The following PLEKHG6 variants were observed in gnomAD, a reference collection of about 807,000 sequenced individuals.
PLEKHG6 encodes the protein pleckstrin homology and RhoGEF domain containing G6, also known as pleckstrin homology domain-containing family G member 6.
A neutral mutation model predicts 97.5 loss-of-function variants in PLEKHG6; 91 were observed. The ratio of observed to expected loss-of-function variants is 0.93; its 90% CI spans 0.79 to 1.11. The LOEUF is 1.11. Among genes scored for constraint, PLEKHG6 ranks in the 50% most tolerant of loss-of-function variants. PLEKHG6 has a pLI of 0.00. For missense variants in PLEKHG6, 1,044 were observed against 1,031.0 expected (o/e 1.01, Z -0.17); for synonymous variants, 466 against 425.5 (o/e 1.10, Z -1.17).
At chr12:6,325,628 G>C (rs1947835221) in intron 13 of PLEKHG6, among the ~76,000 whole-genome samples, 1 of 152,184 alleles carries the variant, frequency 6.6e-6, no homozygotes, top group Non-Finnish European at 1.5e-5. Flanking sequence ...CTGCCCTCCT[G>C]CTCCTCCCAG....
At chr12:6,311,350 G>A (rs1459471071) in intron 1 of PLEKHG6, among the ~76,000 whole-genome samples, 1 of 152,168 alleles carries the variant, frequency 6.6e-6, no homozygotes, top group Non-Finnish European at 1.5e-5. Context: ...ATTCTATTTG[G>A]CTGGTCTCTA....
rs763054144 is a variant in PLEKHG6 at position 6,326,513 on chromosome 12, C to T, written c.1610C>T (p.Ser537Phe). Residue 537 changes from serine to phenylalanine, a missense_variant, in exon 14 of 16, where the codon TCC (serine) becomes TTC (phenylalanine). Coordinates refer to ENST00000684764, the MANE Select transcript of PLEKHG6 (RefSeq NM_001384598.1). ...LTLYRDQDRE[S>F]PSTRPSTPSL... ...CTCTATCGGGACCAGGACAGGGAGT[C>T]CCCCAGCACCAGGCCCTCCACGCCT... The T allele has an allele frequency of 8.8e-6, 14 of 1,597,624 alleles. No individual in the cohort carries two copies. The highest frequency in any genetic ancestry group is 5.5e-5 in the African/African-American group (4 of 73,260).
intron 2 of PLEKHG6, chr12:6,313,047 C>A: frequency 6.6e-7 from 1 of 1,509,686 alleles, no homozygotes; most frequent in Non-Finnish European, 8.9e-7. Flanking sequence ...TAATTCAGGC[C>A]ACAGGCAAAT....
intron 9 of PLEKHG6, 73 bp downstream of exon 9, chr12:6,317,769 G>T: frequency 1.9e-6 from 3 of 1,576,514 alleles, no homozygotes. Flanking sequence ...TAGTGTGTCT[G>T]TGACAGTGTG....
At chr12:6,319,758 A>T (rs990403512) in intron 13 of PLEKHG6, 4 of 1,306,248 alleles carry the variant, frequency 3.1e-6, no homozygotes, top group Non-Finnish European at 4.1e-6. Flanking sequence ...TACGGCAGGC[A>T]CTAGAGCTAG....
chr12:6,326,047 G>A (rs961882328), intron 13 of PLEKHG6, among the ~76,000 whole-genome samples: 3 of 152,062 alleles, frequency 2.0e-5, no homozygotes, highest in Admixed American at 1.3e-4. Context: ...TGGCTTACAC[G>A]TCTAATTCCA....
Position 6,312,358 on chromosome 12 carries a change from T to G in PLEKHG6, c.132T>G (p.Pro44=). 1 of 1,583,570 alleles carries G rather than the reference T, an allele frequency of 6.3e-7. No homozygotes were observed. Among genetic ancestry groups the G allele is most frequent in the Non-Finnish European group, 8.6e-7 (1 of 1,167,736 alleles). ...GCAGACTCTATCCCCGAGGATACCC[T>G]GTGCTGGTGAGTCCAGGCTGTGCCC... ...TAGRLYPRGY[P]VLDPSRRRLQ... Residue 44 remains proline, a synonymous_variant, in exon 2 of 16, where the codon CCT becomes CCG. Coordinates refer to ENST00000684764, the MANE Select transcript of PLEKHG6 (RefSeq NM_001384598.1).
Position 6,326,448 on chromosome 12 carries a change from G to A in PLEKHG6, c.1545G>A (p.Lys515=), listed in dbSNP as rs1282795015. The A allele has an allele frequency of 1.2e-6, 2 of 1,613,844 alleles. No homozygotes were observed. The highest frequency in any genetic ancestry group is 1.7e-6 in the Non-Finnish European group (2 of 1,179,858). ...CCCAGGCCGCCCTACAGAAGCTGAA[G>A]GCAGAGGAGTATGTTCAACAGAAGA... ...QQAQAALQKL[K]AEEYVQQKRE... is the part of the protein sequence containing the mutation. Residue 515 remains lysine, a synonymous_variant, in exon 14 of 16, where the codon AAG becomes AAA. Transcript: ENST00000684764.
chr12:6,313,153 C>T, intron 2 of PLEKHG6: 1 of 1,548,774 alleles, frequency 6.5e-7, no homozygotes, highest in Non-Finnish European at 8.7e-7. Flanking sequence ...GGATGGGATG[C>T]AGGCTGCACG....
In PLEKHG6 at chr12:6,327,704, C is replaced by T. The variant is rs917126708; in HGVS notation, c.2121C>T (p.Ser707=). The T allele has an allele frequency of 3.8e-6, 6 of 1,562,890 alleles. No homozygotes were observed. The highest frequency in any genetic ancestry group is 1.7e-4 in the Middle Eastern group (1 of 5,752). Residue 707 remains serine (S), a synonymous_variant, in exon 15 of 16, where the codon AGC becomes AGT. Coordinates refer to ENST00000684764, the MANE Select transcript of PLEKHG6 (RefSeq NM_001384598.1). ...CCCATGCTGACTCTGCCGGGGAAAG[C>T]CCCTGGGAGTCCTCAGGGGAGGAGG... ...SPTHADSAGE[S]PWESSGEEEE...
In PLEKHG6 at chr12:6,317,661, C is replaced by A; in HGVS notation, c.982C>A (p.Pro328Thr). ...GCTCCATGCTGTGCTCAAGAGGAGC[C>A]CCGAGGCACGAGCCCAAGAGGCCCT... ...LLLHAVLKRS[P>T]EARAQEALNA... Residue 328 changes from proline (P) to threonine (T), a missense_variant, in exon 9 of 16, where the codon CCC (proline) becomes ACC (threonine). Coordinates refer to ENST00000684764, the MANE Select transcript of PLEKHG6 (RefSeq NM_001384598.1). 1 of 1,613,914 alleles carries A rather than the reference C, an allele frequency of 6.2e-7. No homozygotes were observed. Among genetic ancestry groups the A allele is most frequent in the Middle Eastern group, 1.7e-4 (1 of 6,008 alleles).
At position 6,318,881 on chromosome 12, in the gene PLEKHG6, C is replaced by T. The variant is rs754187383; in HGVS notation, c.1408+4C>T. 22 of 1,614,102 alleles carry T rather than the reference C, an allele frequency of 1.4e-5. No homozygotes were observed. The highest frequency in any genetic ancestry group is 8.8e-5 in the South Asian group (8 of 91,094). On this transcript the variant is annotated splice_donor_region_variant and intron_variant, in intron 12 of 15. Transcript: ENST00000684764. Reference sequence around the variant, plus strand: ...TGCCAACCCCTGCGAGACCCCAGTACGTCCTTCCTTCAGGGAGTCTTTTCT... The same window carrying T: ...TGCCAACCCCTGCGAGACCCCAGTATGTCCTTCCTTCAGGGAGTCTTTTCT...
In PLEKHG6 at chr12:6,327,630, G is replaced by A; in HGVS notation, c.2047G>A (p.Glu683Lys). ...CTCCGAGCGAGGGAATGTGGTGGTGGAAACACTCCACAGGGCCCGGCTTCG... is the reference window on the plus strand; with the variant it reads ...CTCCGAGCGAGGGAATGTGGTGGTGAAAACACTCCACAGGGCCCGGCTTCG... The part of the protein sequence containing the change: ...GASERGNVVV[E>K]TLHRARLRGQ... Residue 683 changes from glutamate to lysine, a missense_variant, in exon 15 of 16, where the codon GAA becomes AAA. By Grantham distance (56) the Glu-to-Lys change is moderately conservative (BLOSUM62 1). Coordinates refer to ENST00000684764, the MANE Select transcript of PLEKHG6 (RefSeq NM_001384598.1). The A allele has an allele frequency of 1.9e-6, 3 of 1,575,352 alleles. No homozygotes were observed. The highest frequency in any genetic ancestry group is 1.7e-4 in the Middle Eastern group (1 of 6,006).
intron 13 of PLEKHG6, chr12:6,319,410 T>G: frequency 1.1e-6 from 1 of 912,056 alleles, no homozygotes; most frequent in Non-Finnish European, 1.6e-6. Flanking sequence ...ATCGTGCCAC[T>G]GCACTCTAGC....
intron 13 of PLEKHG6, among the ~76,000 whole-genome samples, chr12:6,323,043 G>C (rs781333811): frequency 6.6e-6 from 1 of 151,524 alleles, no homozygotes; most frequent in South Asian, 2.1e-4. Flanking sequence ...TTTTTCCTTC[G>C]GAACTGCCAC....
At chr12:6,319,937 C>T (rs11610292) in intron 13 of PLEKHG6, among the ~76,000 whole-genome samples, 7,687 of 152,216 alleles carry the variant, frequency 0.051, 260 homozygotes, top group Non-Finnish European at 0.08. Context: ...GGAAGGGACA[C>T]AGAGGAGCTG....
At position 6,317,925 on chromosome 12, in the gene PLEKHG6, C is replaced by T. The variant is rs765488380; in HGVS notation, c.1086C>T (p.Ser362=). 57 of 1,569,674 alleles carry T rather than the reference C, an allele frequency of 3.6e-5. No homozygotes were observed. Among genetic ancestry groups the T allele is most frequent in the Non-Finnish European group, 4.9e-5 (57 of 1,156,944 alleles). Residue 362 remains serine (S), a synonymous_variant, in exon 10 of 16, where the codon AGC becomes AGT. Coordinates refer to ENST00000684764, the MANE Select transcript of PLEKHG6 (RefSeq NM_001384598.1). ...GQVRQGEEQE[S]LAAAAQRIGP... is the part of the protein sequence containing the mutation. The stretch of plus-strand genomic sequence containing the variant: ...TCCGCCAGGGCGAAGAGCAAGAGAG[C>T]TTGGCGGCTGCAGCACAACGCATCG...
chr12:6,318,031 G>A (rs1455796842), intron 10 of PLEKHG6, 37 bp downstream of exon 10: 1 of 1,553,180 alleles, frequency 6.4e-7, no homozygotes, highest in Admixed American at 2.0e-5. Context: ...GGAAAAGCAA[G>A]GTCCCAGGGA....
chr12:6,314,313 G>C (rs1378972538), intron 3 of PLEKHG6, among the ~76,000 whole-genome samples: 1 of 152,098 alleles, frequency 6.6e-6, no homozygotes, highest in African/African-American at 2.4e-5. Context: ...AACCAGCCTG[G>C]CCAACATGGT....
Sources: allele counts gnomAD v4.1 joint callset (sites outside exome capture counted in the v4.1 genomes callset), GRCh38; gene constraint gnomAD v4.1.1; transcripts MANE v1.5; gene names NCBI Gene and HGNC (gene_info 2026-07-23, HGNC 2026-07-21).